The following URB1 variants were observed in gnomAD, a reference collection of about 807,000 sequenced individuals.
URB1 encodes URB1 ribosome biogenesis factor.
In URB1, 197 loss-of-function variants were observed where a neutral mutation model predicts 242.3. The observed-to-expected ratio is 0.81, with a 90% CI of 0.72 to 0.91. The LOEUF is 0.91. Among genes scored for constraint, URB1 ranks in the 40% least tolerant of loss-of-function variants. URB1 has a pLI of 0.00. For missense variants in URB1, 2,721 were observed against 2,860.5 expected, an observed-to-expected ratio of 0.95 and a Z score of 1.11; for synonymous variants, 1,153 against 1,201.8, an observed-to-expected ratio of 0.96 and a Z score of 0.84.
chr21:32,316,673 T>C lies in URB1; in HGVS notation c.6427A>G (p.Ser2143Gly), dbSNP rs2123538122. 6.4e-7 allele frequency: 1 copy of C among 1,551,432 alleles called. No individual in the cohort carries two copies. Among genetic ancestry groups the C allele is most frequent in the Admixed American group, 2.0e-5 (1 of 50,986 alleles). The change falls in exon 38 of 39, where the codon AGT becomes GGT. Residue 2143 changes from serine (S) to glycine (G), a missense_variant. Physicochemically the swap from Ser to Gly is moderately conservative, Grantham distance 56 (BLOSUM62 0). Transcript: ENST00000382751. ...CTGAATATGCTGCTCCTCACGGCAC[T>C]GTCCTTAAGGAGGTCAGCCACGACC... Reference protein sequence around the residue: ...PVVVADLLKDSAVRSSIFRLY... With the variant: ...PVVVADLLKDGAVRSSIFRLY...
rs547512518 is a variant in URB1 at position 32,376,650 on chromosome 21, C to A, written c.665-1167G>T. 1.7e-4 allele frequency among the ~76,000 whole-genome samples: 26 copies of A among 151,644 alleles called. No homozygotes were observed. The South Asian group carries it at 5.4e-3, about 32-fold the overall frequency. On this transcript the variant is annotated intron_variant, in intron 5 of 38. Transcript: ENST00000382751. ...TCATTAAGTGCAGCATGTTTTTTTTCTTTTTGAGACAGGGCCTCCCTCTGT... is the reference window on the plus strand; with the variant it reads ...TCATTAAGTGCAGCATGTTTTTTTTATTTTTGAGACAGGGCCTCCCTCTGT...
chr21:32,352,979 T>A (rs985811882), intron 18 of URB1, 73 bp from the exon 19 acceptor site: 4 of 1,437,790 alleles, frequency 2.8e-6, no homozygotes, highest in Non-Finnish European at 3.7e-6. Flanking sequence ...AACACCACCT[T>A]CTTCCACATA....
chr21:32,351,659 C>G (rs1229049138), intron 19 of URB1, among the ~76,000 whole-genome samples: 1 of 152,168 alleles, frequency 6.6e-6, no homozygotes, highest in Admixed American at 6.5e-5. Flanking sequence ...TTTGAAAAGG[C>G]CCTCTGGGGA....
rs1265246678 is a variant in URB1, at chr21:32,373,704, G to C, written c.819C>G (p.His273Gln). Residue 273 changes from histidine (H) to glutamine (Q), a missense_variant, in exon 7 of 39, where the codon CAC becomes CAG. By Grantham distance (24) the His-to-Gln change is conservative (BLOSUM62 0). Transcript: ENST00000382751. Reference protein sequence around the residue: ...VRFFTGQLLNHIASLYNWNGI... With the variant: ...VRFFTGQLLNQIASLYNWNGI... ...CATTCCAGTTGTACAGCGATGCTAT[G>C]TGGTTCAATAACTGCCCCGTAAAGA... is the stretch of plus-strand genomic sequence containing the variant. 1.9e-6 allele frequency: 3 copies of C among 1,549,330 alleles called. No homozygotes were observed.
At position 32,316,620 on chromosome 21, in the gene URB1, C is replaced by T. The variant is rs2032690599; in HGVS notation, c.6480G>A (p.Glu2160=). ...CCTCCTGCACAGGCCCTGCCAGCCC[C>T]TCAGCCCCACAGAGCCGGCTATACA... ...FRLYSRLCGA[E]GLAGPVQEVA... Residue 2160 remains glutamate (E), a synonymous_variant, in exon 38 of 39, where the codon GAG becomes GAA. Transcript: ENST00000382751. 1 of 1,551,520 alleles carries T rather than the reference C, an allele frequency of 6.4e-7. No individual in the cohort carries two copies.
rs1414478482 is a variant in URB1 at position 32,317,877 on chromosome 21, T to G, written c.5833A>C (p.Thr1945Pro). The G allele has an allele frequency of 6.4e-7, 1 of 1,551,698 alleles. No homozygotes were observed. The highest frequency in any genetic ancestry group is 8.7e-7 in the Non-Finnish European group (1 of 1,147,006). ...CGGTACCTCAGCACGGAGTCAAGTG[T>G]CCCGAAGAAGTTGGTCAGCTGGACG... ...APVQLTNFFGTLDSVLRYRAT... is the reference protein window; with the variant it reads ...APVQLTNFFGPLDSVLRYRAT... The change falls in exon 37 of 39, where the codon ACA (threonine) becomes CCA (proline). Residue 1945 changes from threonine to proline, a missense_variant. Coordinates refer to ENST00000382751, the MANE Select transcript of URB1 (RefSeq NM_014825.3).
chr21:32,363,041 G>A (rs919505314), intron 11 of URB1, 115 bp downstream of exon 11: 1 of 1,365,720 alleles, frequency 7.3e-7, no homozygotes, highest in East Asian at 2.5e-5. Context: ...CCACCGGCCT[G>A]TCCAACCCTG....
Position 32,370,628 on chromosome 21 carries a change from C to A in URB1, c.1001+1879G>T, listed in dbSNP as rs138525480. On this transcript the variant is annotated intron_variant, in intron 8 of 38. Coordinates refer to ENST00000382751, the MANE Select transcript of URB1 (RefSeq NM_014825.3). Reference sequence around the variant, plus strand: ...AATGGAGGCAGAGAGGATGCCTAACCCAGTGAAGGTCTCAGAGCTAAGTTG... The same window carrying A: ...AATGGAGGCAGAGAGGATGCCTAACACAGTGAAGGTCTCAGAGCTAAGTTG... Among the ~76,000 whole-genome samples, 547 of 152,326 alleles carry A rather than the reference C, an allele frequency of 3.6e-3. 4 individuals carry two copies. Among genetic ancestry groups the A allele is most frequent in the Middle Eastern group, 0.027 (8 of 294 alleles).
At position 32,384,386 on chromosome 21, in the gene URB1, T is replaced by C. The variant is rs1445804885; in HGVS notation, c.361A>G (p.Thr121Ala). 2 of 1,552,048 alleles carry C rather than the reference T, an allele frequency of 1.3e-6. No homozygotes were observed. Among genetic ancestry groups the C allele is most frequent in the African/African-American group, 1.4e-5 (1 of 73,032 alleles). ...SDLSHFHVVGTNIVKKLMNNH... is the reference protein window; with the variant it reads ...SDLSHFHVVGANIVKKLMNNH... Reference sequence around the variant, plus strand: ...TTCATCAGCTTTTTCACAATGTTGGTTCCCACAACATGGAAATGTGAAAGA... The same window carrying C: ...TTCATCAGCTTTTTCACAATGTTGGCTCCCACAACATGGAAATGTGAAAGA... Residue 121 changes from threonine (T) to alanine (A), a missense_variant, in exon 3 of 39, where the codon ACC (threonine) becomes GCC (alanine). Coordinates refer to ENST00000382751, the MANE Select transcript of URB1 (RefSeq NM_014825.3).
chr21:32,325,415 AACAC>A (rs2032818833), intron 30 of URB1, 26 bp from the exon 31 acceptor site: 1 of 1,538,996 alleles, frequency 6.5e-7, no homozygotes, highest in Non-Finnish European at 8.8e-7. Context: ...TACAGCATGA[AACAC>A]ACACAATATG....
chr21:32,341,686 C>A (rs796336749), intron 24 of URB1, among the ~76,000 whole-genome samples, 162 bp from the exon 25 acceptor site: 1 of 152,176 alleles, frequency 6.6e-6, no homozygotes, highest in Non-Finnish European at 1.5e-5. Flanking sequence ...GCGCTGGTGT[C>A]CCCTTCTGCT....
intron 9 of URB1, among the ~76,000 whole-genome samples, chr21:32,368,152 C>T (rs2033366491): frequency 6.6e-6 from 1 of 152,134 alleles, no homozygotes; most frequent in Admixed American, 6.6e-5. Context: ...ACTGCAACCT[C>T]CGCCTCCCAG....
chr21:32,317,763 GC>G lies in URB1; in HGVS notation c.5946del (p.Leu1982PhefsTer17), dbSNP rs1193230450. Reference sequence around the variant, plus strand: ...TCTCTTTCAATGAGGCTCCACTTGTGCAAGAGGACAAGGACGTCCTTGGTGG... The same window carrying G: ...TCTCTTTCAATGAGGCTCCACTTGTGAAGAGGACAAGGACGTCCTTGGTGG... The part of the protein sequence containing the change: ...VLSTKDVLVL[L>X]HKWSLIERDL... On this transcript the variant is annotated frameshift_variant, in exon 37 of 39. Transcript: ENST00000382751. LOFTEE classifies it high-confidence loss of function. 1 of 1,551,922 alleles carries G rather than the reference GC, an allele frequency of 6.4e-7. No homozygotes were observed. The highest frequency in any genetic ancestry group is 2.0e-5 in the Admixed American group (1 of 51,006).
rs1383778394 is a variant in URB1 at position 32,334,296 on chromosome 21, T to C, written c.4724A>G (p.Lys1575Arg). 1.5e-5 allele frequency: 24 copies of C among 1,551,354 alleles called. No individual in the cohort carries two copies. The highest frequency in any genetic ancestry group is 2.0e-5 in the Non-Finnish European group (23 of 1,146,816). ...LWGPAAVEHH[K>R]TCRSLGRSLW... ...TGACCTGCCCAGGCTCCGGCACGTC[T>C]TGTGATGCTCCACGGCCGCTGGGCC... The change falls in exon 29 of 39, where the codon AAG becomes AGG. Residue 1575 changes from lysine (K) to arginine (R), a missense_variant. Lys to Arg is a conservative substitution (Grantham distance 26). Coordinates refer to ENST00000382751, the MANE Select transcript of URB1 (RefSeq NM_014825.3).
chr21:32,337,324 C>A, intron 27 of URB1, 80 bp downstream of exon 27: 1 of 1,400,558 alleles, frequency 7.1e-7, no homozygotes, highest in Non-Finnish European at 9.8e-7. Context: ...ATCCCTCCAG[C>A]TCTCATTCCC....
chr21:32,385,236 C>T (rs779876754), intron 2 of URB1, among the ~76,000 whole-genome samples: 11 of 152,242 alleles, frequency 7.2e-5, no homozygotes, highest in Non-Finnish European at 1.3e-4. Context: ...GAGTCTGTGA[C>T]ACCACATGTT....
Position 32,338,568 on chromosome 21 carries a change from A to G in URB1, c.4510+139T>C, listed in dbSNP as rs1601131360. ...TTTCTTCACCCTGGATTTGACAGAA[A>G]TAAAACATTCTGACACTGTCTTGGC... On this transcript the variant is annotated intron_variant, in intron 26 of 38. Transcript: ENST00000382751. 5.0e-6 allele frequency: 5 copies of G among 996,114 alleles called. No individual in the cohort carries two copies. The East Asian group carries it at 1.3e-4, about 26-fold the overall frequency. 61.7% of individuals were successfully genotyped at this position (996,114 alleles called of 1,614,324 possible).
chr21:32,391,508 G>T (rs914955417), intron 1 of URB1, among the ~76,000 whole-genome samples: 1 of 152,076 alleles, frequency 6.6e-6, no homozygotes, highest in Non-Finnish European at 1.5e-5. Context: ...GTATGTATGT[G>T]ATTTTACTGA....
chr21:32,349,519 A>C (rs2033131982), intron 20 of URB1, 36 bp from the exon 21 acceptor site: 2 of 1,504,168 alleles, frequency 1.3e-6, no homozygotes, highest in Non-Finnish European at 1.8e-6. Flanking sequence ...AGCAGGGAAG[A>C]GACGGGTTCA....
Sources: gnomAD v4.1 joint callset for allele counts (sites outside exome capture counted in the v4.1 genomes callset) on GRCh38, gnomAD v4.1.1 for gene constraint, MANE v1.5 for transcripts, NCBI Gene and HGNC (gene_info 2026-07-23, HGNC 2026-07-21) for gene names.